The following FAM171A1 variants were observed in gnomAD, a reference collection of about 807,000 sequenced individuals.
FAM171A1 encodes family with sequence similarity 171 member A1, also known as protein FAM171A1.
In FAM171A1, 23 loss-of-function variants were observed where a neutral mutation model predicts 74.9. The observed-to-expected ratio is 0.31, with a 90% CI of 0.22 to 0.44. The LOEUF (loss-of-function observed/expected upper bound fraction) is 0.44, where lower values mean the gene tolerates loss of function less well. Among genes scored for constraint, FAM171A1 ranks in the 20% least tolerant of loss-of-function variants. The pLI is 1.00. For missense variants in FAM171A1, 1,162 were observed against 1,159.2 expected, an observed-to-expected ratio of 1.00 and a Z score of -0.03; for synonymous variants, 527 against 505.7, an observed-to-expected ratio of 1.04 and a Z score of -0.57.
At chr10:15,365,683 T>C in intron 1 of FAM171A1, among the ~76,000 whole-genome samples, 1 of 151,352 alleles carries the variant, frequency 6.6e-6, no homozygotes, top group Non-Finnish European at 1.5e-5. Context: ...GGCAGGAGAA[T>C]CTTTTCAACC....
In FAM171A1 at chr10:15,312,673, G is replaced by GTTTTTTTTTT. The variant is rs1169098742; in HGVS notation, c.98-28578_98-28569dup. On this transcript the variant is annotated intron_variant, in intron 1 of 7. Coordinates refer to ENST00000378116, the MANE Select transcript of FAM171A1 (RefSeq NM_001010924.2). The stretch of plus-strand genomic sequence containing the variant: ...TACTGGAATGAGTTCAGCACTGTGT[G>GTTTTTTTTTT]TTTTTTTTTTTTTTTTTTTTTTTTT... 6.9e-4 allele frequency among the ~76,000 whole-genome samples: 25 copies of GTTTTTTTTTT among 36,400 alleles called. 2 individuals are homozygous for GTTTTTTTTTT. The highest frequency in any genetic ancestry group is 1.5e-3 in the African/African-American group (13 of 8,552). The allele number at this position is 36,400 out of a possible 152,430, so 23.9% of individuals were successfully genotyped here.
At chr10:15,238,725 C>A (rs890470800) in intron 5 of FAM171A1, among the ~76,000 whole-genome samples, 1 of 152,150 alleles carries the variant, frequency 6.6e-6, no homozygotes, top group African/African-American at 2.4e-5. Context: ...TTCCTGAGAG[C>A]CTGACACGAA....
At chr10:15,336,821 T>C (rs891719842) in intron 1 of FAM171A1, among the ~76,000 whole-genome samples, 3 of 152,146 alleles carry the variant, frequency 2.0e-5, no homozygotes, top group African/African-American at 7.2e-5. Flanking sequence ...TAAATGAATA[T>C]GGGGCCACCT....
At chr10:15,348,700 G>C (rs1243137484) in intron 1 of FAM171A1, among the ~76,000 whole-genome samples, 1 of 152,110 alleles carries the variant, frequency 6.6e-6, no homozygotes, top group South Asian at 2.1e-4. Context: ...GGGGCCACAC[G>C]GGACCCTGAA....
intron 3 of FAM171A1, among the ~76,000 whole-genome samples, chr10:15,255,894 C>T (rs1036374859): frequency 3.3e-5 from 5 of 152,164 alleles, no homozygotes; most frequent in Admixed American, 6.5e-5. Context: ...GTGATCCACC[C>T]GCCTCAGCCT....
At chr10:15,352,902 T>G (rs994224513) in intron 1 of FAM171A1, among the ~76,000 whole-genome samples, 2 of 152,218 alleles carry the variant, frequency 1.3e-5, no homozygotes, top group Non-Finnish European at 2.9e-5. Context: ...GCACTGAGCA[T>G]ATGCGCTGTG....
intron 2 of FAM171A1, among the ~76,000 whole-genome samples, chr10:15,280,182 T>A (rs1406576610): frequency 6.6e-6 from 1 of 152,152 alleles, no homozygotes; most frequent in Non-Finnish European, 1.5e-5. Flanking sequence ...GAATGACATG[T>A]TGCCCAGGGC....
intron 1 of FAM171A1, among the ~76,000 whole-genome samples, chr10:15,317,639 TGCCTCA>T (rs1302176847): frequency 2.6e-5 from 4 of 152,208 alleles, no homozygotes; most frequent in Admixed American, 6.5e-5. Context: ...GTGATCTGCC[TGCCTCA>T]GCCTCCCAAA....
intron 3 of FAM171A1, among the ~76,000 whole-genome samples, chr10:15,257,007 C>T (rs965136170): frequency 3.3e-5 from 5 of 152,176 alleles, no homozygotes; most frequent in Admixed American, 1.3e-4. Context: ...ACTGGTTTTC[C>T]GGCTAAATAA....
intron 4 of FAM171A1, among the ~76,000 whole-genome samples, chr10:15,251,946 G>A (rs1005803258): frequency 6.6e-6 from 1 of 152,128 alleles, no homozygotes; most frequent in African/African-American, 2.4e-5. Flanking sequence ...GAGAGGAGCT[G>A]TATCACCTTG....
intron 5 of FAM171A1, 93 bp from the exon 6 acceptor site, chr10:15,221,153 A>G (rs1834034734): frequency 1.8e-6 from 2 of 1,106,708 alleles, no homozygotes; most frequent in South Asian, 3.0e-5. Context: ...AATATCTTAA[A>G]TGTCATGTTT....
At chr10:15,340,511 A>G (rs959488419) in intron 1 of FAM171A1, among the ~76,000 whole-genome samples, 1 of 152,176 alleles carries the variant, frequency 6.6e-6, no homozygotes, top group African/African-American at 2.4e-5. Flanking sequence ...TCAAAGGCCC[A>G]ACTGTCTGTA....
intron 1 of FAM171A1, among the ~76,000 whole-genome samples, chr10:15,350,241 T>C (rs1423766631): frequency 6.6e-6 from 1 of 152,144 alleles, no homozygotes; most frequent in Non-Finnish European, 1.5e-5. Context: ...GCTGATGTCT[T>C]TACTCCCTTG....
chr10:15,250,515 A>C (rs1834494088), intron 4 of FAM171A1, among the ~76,000 whole-genome samples: 2 of 152,368 alleles, frequency 1.3e-5, no homozygotes, highest in Admixed American at 1.3e-4. Flanking sequence ...TAATACTGGC[A>C]CTTTGGGAGG....
intron 1 of FAM171A1, among the ~76,000 whole-genome samples, chr10:15,345,240 T>C (rs1835805092): frequency 6.6e-6 from 1 of 152,128 alleles, no homozygotes; most frequent in Non-Finnish European, 1.5e-5. Flanking sequence ...GATGAGTGAG[T>C]GGCAGTTCTG....
At chr10:15,271,321 GAGA>G (rs1834822161) in intron 3 of FAM171A1, among the ~76,000 whole-genome samples, 1 of 152,128 alleles carries the variant, frequency 6.6e-6, no homozygotes, top group South Asian at 2.1e-4. Context: ...AAAGCGAGAA[GAGA>G]AGTTTAGAGA....
intron 1 of FAM171A1, among the ~76,000 whole-genome samples, chr10:15,291,409 G>A (rs2131817654): frequency 6.6e-6 from 1 of 152,286 alleles, no homozygotes; most frequent in African/African-American, 2.4e-5. Flanking sequence ...TAAAAATCGA[G>A]CTCCTTGGTA....
At chr10:15,282,246 C>T (rs769409878) in intron 2 of FAM171A1, among the ~76,000 whole-genome samples, 2 of 152,034 alleles carry the variant, frequency 1.3e-5, no homozygotes, top group Non-Finnish European at 2.9e-5. Flanking sequence ...TTTCAAATGA[C>T]CCCTAGTGTA....
chr10:15,238,998 C>T (rs1009167426), intron 5 of FAM171A1, among the ~76,000 whole-genome samples: 2 of 152,220 alleles, frequency 1.3e-5, no homozygotes, highest in African/African-American at 4.8e-5. Flanking sequence ...TGATGTCCAT[C>T]GCTTTAAATT....
Sources: allele counts gnomAD v4.1 joint callset (sites outside exome capture counted in the v4.1 genomes callset), GRCh38; gene constraint gnomAD v4.1.1; transcripts MANE v1.5; gene names NCBI Gene and HGNC (gene_info 2026-07-23, HGNC 2026-07-21).